The following ABCG5 variants were observed in gnomAD, a reference collection of about 807,000 sequenced individuals.
The protein encoded by ABCG5 is ATP binding cassette subfamily G member 5.
A neutral mutation model predicts 64.5 loss-of-function variants in ABCG5; 64 were observed. That is an observed-to-expected ratio of 0.99 (90% CI 0.81 to 1.22). ABCG5 has a LOEUF of 1.22. Among genes scored for constraint, ABCG5 ranks in the 50% most tolerant of loss-of-function variants. The probability of loss-of-function intolerance (pLI) is 0.00; values close to 1 mark genes in which losing one functional copy is unlikely to be tolerated. For missense variants in ABCG5, 908 were observed against 829.5 expected, an observed-to-expected ratio of 1.09 and a Z score of -1.16; for synonymous variants, 385 against 326.3, an observed-to-expected ratio of 1.18 and a Z score of -1.94.
At chr2:43,806,345 A>G in the ABCG5 span, among the ~76,000 whole-genome samples, 1 of 152,220 alleles carries the variant, frequency 6.6e-6, no homozygotes, top group African/African-American at 2.4e-5. Flanking sequence ...TTGCGAGGGT[A>G]ACCTGAAAAC....
rs1666561810 is a variant in ABCG5, at chr2:43,813,019, T to C, written c.*97A>G. 4.1e-6 allele frequency: 3 copies of C among 726,458 alleles called. No individual in the cohort carries two copies. Among genetic ancestry groups the C allele is most frequent in the Admixed American group, 2.0e-5 (1 of 50,776 alleles). The allele number at this position is 726,458 out of a possible 1,614,324, so 45.0% of individuals were successfully genotyped here. A position where few individuals can be genotyped will look rare whatever the true frequency, so the allele number is the denominator to read the frequency against. On this transcript the variant is annotated 3_prime_UTR_variant, in exon 13 of 13. Coordinates refer to ENST00000405322, the MANE Select transcript of ABCG5 (RefSeq NM_022436.3). ...AATGGTTAAAAGACTTGAGATGTCC[T>C]GTCAAGAAAGAAATACATGGCACTC...
chr2:43,812,873 T>G lies in ABCG5; in HGVS notation c.*243A>C. 1 of 526,060 alleles carries G rather than the reference T, an allele frequency of 1.9e-6. No homozygotes were observed. The highest frequency in any genetic ancestry group is 3.4e-6 in the Non-Finnish European group (1 of 292,322). 32.6% of individuals were successfully genotyped at this position (526,060 alleles called of 1,614,324 possible). On this transcript the variant is annotated 3_prime_UTR_variant, in exon 13 of 13. Coordinates refer to ENST00000405322, the MANE Select transcript of ABCG5 (RefSeq NM_022436.3). ...TATGAATATTATTTACATTCTTGGGTCCGCTCAGTCACAATTTCCAAATAA... is the reference window on the plus strand; with the variant it reads ...TATGAATATTATTTACATTCTTGGGGCCGCTCAGTCACAATTTCCAAATAA...
At chr2:43,837,764 T>C in intron 2 of ABCG5, 70 bp downstream of exon 2, 1 of 1,603,584 alleles carries the variant, frequency 6.2e-7, no homozygotes, top group South Asian at 1.1e-5. Context: ...TGTTACAACT[T>C]AATCTGTTTC....
chr2:43,808,443 A>G (rs935520413), downstream of ABCG5, among the ~76,000 whole-genome samples: 2 of 152,236 alleles, frequency 1.3e-5, no homozygotes, highest in African/African-American at 2.4e-5. Context: ...TGTTAGCCAA[A>G]GGGCATTGAT....
chr2:43,809,739 C>G (rs1666414496), downstream of ABCG5: 4 of 1,611,920 alleles, frequency 2.5e-6, no homozygotes, highest in Non-Finnish European at 3.4e-6. Flanking sequence ...TCTTCCAAGT[C>G]TTGGAAACAA....
intron 11 of ABCG5, among the ~76,000 whole-genome samples, chr2:43,815,545 T>A (rs527447458): frequency 2.4e-4 from 36 of 152,336 alleles, no homozygotes; most frequent in African/African-American, 7.9e-4. Flanking sequence ...TTCAGTTTCC[T>A]AAGGCACAAC....
chr2:43,811,682 C>G (rs1239969225), downstream of ABCG5, among the ~76,000 whole-genome samples: 1 of 151,904 alleles, frequency 6.6e-6, no homozygotes, highest in East Asian at 1.9e-4. Context: ...GCAACCTCCA[C>G]CTCCCAGGTT....
At chr2:43,807,395 A>T in the ABCG5 span, among the ~76,000 whole-genome samples, 1 of 152,246 alleles carries the variant, frequency 6.6e-6, no homozygotes, top group South Asian at 2.1e-4. Flanking sequence ...TTTTAAGGGA[A>T]TGCGAATGTG....
chr2:43,814,344 G>C (rs1245082220), intron 12 of ABCG5, 133 bp downstream of exon 12: 2 of 663,872 alleles, frequency 3.0e-6, no homozygotes, highest in Non-Finnish European at 5.3e-6. Context: ...GAAAATGTTG[G>C]ACTGTATTTC....
At chr2:43,815,039 A>G (rs993512534) in intron 11 of ABCG5, among the ~76,000 whole-genome samples, 2 of 152,202 alleles carry the variant, frequency 1.3e-5, no homozygotes, top group African/African-American at 2.4e-5. Flanking sequence ...AGCACTACTG[A>G]TATAAACGTA....
downstream of ABCG5, among the ~76,000 whole-genome samples, chr2:43,810,946 G>T (rs752744049): frequency 3.9e-5 from 6 of 152,142 alleles, no homozygotes; most frequent in Admixed American, 6.6e-5. Context: ...TTTTTGACTT[G>T]AGACACAAAC....
chr2:43,830,822 T>C (rs1195425260), intron 4 of ABCG5, among the ~76,000 whole-genome samples: 1 of 152,220 alleles, frequency 6.6e-6, no homozygotes, highest in Non-Finnish European at 1.5e-5. Context: ...GGTTTACCTG[T>C]GGCTACTTCC....
At chr2:43,822,536 G>A (rs1179650115) in intron 10 of ABCG5, 3 of 983,058 alleles carry the variant, frequency 3.1e-6, no homozygotes, top group Non-Finnish European at 3.6e-6. Context: ...TCTGGCCCAG[G>A]CCCTGCCGTG....
chr2:43,826,653 G>A lies in ABCG5; in HGVS notation c.635-132C>T, dbSNP rs562063958. ...ACAGTGTGCGGTGGGAAGTAAACAT[G>A]TAAACTGGCTTTCAGCCTGAGCTCA... On this transcript the variant is annotated intron_variant, in intron 5 of 12. Coordinates refer to ENST00000405322, the MANE Select transcript of ABCG5 (RefSeq NM_022436.3). The A allele has an allele frequency of 2.6e-5, 36 of 1,389,782 alleles. No individual in the cohort carries two copies. The Middle Eastern group carries it at 1.1e-3, about 43-fold the overall frequency. The allele number at this position is 1,389,782 out of a possible 1,614,324, so 86.1% of individuals were successfully genotyped here. A position where few individuals can be genotyped will look rare whatever the true frequency, so the allele number is the denominator to read the frequency against.
At chr2:43,823,129 A>G (rs1214064483) in intron 9 of ABCG5, among the ~76,000 whole-genome samples, 194 bp from the exon 10 acceptor site, 3 of 152,230 alleles carry the variant, frequency 2.0e-5, no homozygotes, top group Non-Finnish European at 2.9e-5. Context: ...ACACTCTACC[A>G]GAATTGCAAT....
chr2:43,814,015 C>T (rs1346397290), intron 12 of ABCG5, among the ~76,000 whole-genome samples: 2 of 152,110 alleles, frequency 1.3e-5, no homozygotes, highest in Non-Finnish European at 2.9e-5. Flanking sequence ...TGTGCCCGGC[C>T]ACCCTGAGAT....
chr2:43,827,325 CA>C (rs1174987300), intron 5 of ABCG5, among the ~76,000 whole-genome samples: 2,558 of 112,176 alleles, frequency 0.023, 75 homozygotes, highest in African/African-American at 0.072. Context: ...AACTCTGTCT[CA>C]AAAAAAAAAA....
chr2:43,818,258 A>T (rs1017154125), intron 11 of ABCG5, among the ~76,000 whole-genome samples: 2 of 152,242 alleles, frequency 1.3e-5, no homozygotes, highest in Admixed American at 1.3e-4. Context: ...AGCCTGGCCA[A>T]CATGGCGAAA....
downstream of ABCG5, chr2:43,810,455 AG>A: frequency 1.0e-6 from 1 of 985,422 alleles, no homozygotes. Context: ...ATTATTTCCA[AG>A]GTGGGATAGC....
Sources: allele counts gnomAD v4.1 joint callset (sites outside exome capture counted in the v4.1 genomes callset), GRCh38; gene constraint gnomAD v4.1.1; transcripts MANE v1.5; gene names NCBI Gene and HGNC (gene_info 2026-07-23, HGNC 2026-07-21).